Variants in CIT observed in about 807,000 individuals in gnomAD.
CIT encodes the protein citron Rho-interacting kinase.
Under a neutral mutation model 272.7 loss-of-function variants are expected in CIT, and 79 were observed. That is an observed-to-expected ratio of 0.29 (90% CI 0.24 to 0.35). The LOEUF is 0.35. Ranked by LOEUF, CIT falls within the 10% of genes least tolerant of loss-of-function variation. The pLI is 1.00. For synonymous variants in CIT, 948 were observed against 995.6 expected (o/e 0.95, Z 0.90); for missense variants, 1,909 against 2,618.3 (o/e 0.73, Z 5.91).
intron 10 of CIT, among the ~76,000 whole-genome samples, chr12:119,785,971 T>C (rs1297617218): frequency 6.6e-6 from 1 of 152,192 alleles, no homozygotes; most frequent in Non-Finnish European, 1.5e-5. Flanking sequence ...ACATTGGCCA[T>C]AGGAAACTCA....
Position 119,694,563 on chromosome 12 carries a change from G to T in CIT, c.5882+3096C>A, listed in dbSNP as rs1035342050. The stretch of plus-strand genomic sequence containing the variant: ...TCACACCTGTAATCCCAGCACTTTG[G>T]GGGGCCAGGGCAGGCAAATTGCTTG... On this transcript the variant is annotated intron_variant, in intron 46 of 47. Transcript: ENST00000392521. The surrounding 1 kb of genome is among the most constrained non-coding windows in gnomAD (Gnocchi z 4.5). Among the ~76,000 whole-genome samples the T allele has an allele frequency of 2.0e-5, 3 of 152,140 alleles. No individual in the cohort carries two copies. The highest frequency in any genetic ancestry group is 7.2e-5 in the African/African-American group (3 of 41,428).
intron 22 of CIT, among the ~76,000 whole-genome samples, chr12:119,755,522 T>C (rs1960837264): frequency 6.6e-6 from 1 of 152,220 alleles, no homozygotes; most frequent in South Asian, 2.1e-4. Flanking sequence ...GCAACTATTT[T>C]ACATGAGACA....
chr12:119,807,484 A>G (rs928365649), intron 9 of CIT, among the ~76,000 whole-genome samples: 1 of 151,874 alleles, frequency 6.6e-6, no homozygotes, highest in Non-Finnish European at 1.5e-5. Context: ...TTTTGCTTCA[A>G]TAAAGGTATT....
chr12:119,780,321 A>T (rs879775967), intron 13 of CIT, among the ~76,000 whole-genome samples: 20 of 152,224 alleles, frequency 1.3e-4, no homozygotes, highest in Middle Eastern at 3.4e-3. Context: ...AATATTTTTT[A>T]AAAAAATGAA....
intron 16 of CIT, among the ~76,000 whole-genome samples, chr12:119,773,779 T>C (rs1456868660): frequency 6.6e-6 from 1 of 152,170 alleles, no homozygotes; most frequent in Non-Finnish European, 1.5e-5. Context: ...ATTACATCTG[T>C]AAGTAATATT....
intron 10 of CIT, among the ~76,000 whole-genome samples, chr12:119,798,893 AT>A (rs1352232912): frequency 6.6e-6 from 1 of 152,192 alleles, no homozygotes; most frequent in East Asian, 1.9e-4. Context: ...TTGTACCATG[AT>A]ATTCTGCAGC....
Position 119,717,414 on chromosome 12 carries a change from C to CTTTTTTTTTTTTTTT in CIT, c.4168+830_4168+831insAAAAAAAAAAAAAAA, listed in dbSNP as rs765763044. On this transcript the variant is annotated intron_variant, in intron 32 of 47. Coordinates refer to ENST00000392521, the MANE Select transcript of CIT (RefSeq NM_001206999.2). ...ATTTTTTCATATTCTTTTTTCTTTT[C>CTTTTTTTTTTTTTTT]TTTTCTTTTTTTTTTTTTTTTTTTG... Among the ~76,000 whole-genome samples, 119 of 109,424 alleles carry CTTTTTTTTTTTTTTT rather than the reference C, an allele frequency of 1.1e-3. 2 individuals are homozygous for CTTTTTTTTTTTTTTT. Among genetic ancestry groups the CTTTTTTTTTTTTTTT allele is most frequent in the African/African-American group, 2.3e-3 (59 of 25,584 alleles). The allele number at this position is 109,424 out of a possible 152,430, so 71.8% of individuals were successfully genotyped here.
At chr12:119,854,058 G>A (rs73217357) in intron 4 of CIT, among the ~76,000 whole-genome samples, 4,381 of 151,050 alleles carry the variant, frequency 0.029, 103 homozygotes, top group Non-Finnish European at 0.044. Flanking sequence ...CGGAGTGTTC[G>A]CTCTTGTTGC....
chr12:119,688,741 G>A (rs1056751072), intron 47 of CIT, among the ~76,000 whole-genome samples: 4 of 152,210 alleles, frequency 2.6e-5, no homozygotes, highest in Admixed American at 6.5e-5. Flanking sequence ...CTCCTCGATC[G>A]CAAACCTAAA....
intron 5 of CIT, among the ~76,000 whole-genome samples, chr12:119,847,888 A>G (rs528512453): frequency 6.6e-6 from 1 of 152,310 alleles, no homozygotes; most frequent in South Asian, 2.1e-4. Context: ...CCTGGGTGAC[A>G]GAGTGAGACT....
At chr12:119,736,480 T>C (rs1958761193) in intron 24 of CIT, among the ~76,000 whole-genome samples, 1 of 152,226 alleles carries the variant, frequency 6.6e-6, no homozygotes, top group Non-Finnish European at 1.5e-5. Flanking sequence ...AACTTTTCAT[T>C]TTGTTAACTG....
At chr12:119,840,754 T>TGA (rs1267591403) in intron 5 of CIT, among the ~76,000 whole-genome samples, 1 of 152,210 alleles carries the variant, frequency 6.6e-6, no homozygotes. Context: ...TGAGCAGGCC[T>TGA]GGTGAGTTTT....
In CIT at chr12:119,787,775, A is replaced by G. The variant is rs1003144298; in HGVS notation, c.1296-2710T>C. Among the ~76,000 whole-genome samples, 5 of 151,988 alleles carry G rather than the reference A, an allele frequency of 3.3e-5. 1 individual carries two copies. Among genetic ancestry groups the G allele is most frequent in the Admixed American group, 2.6e-4 (4 of 15,274 alleles). On this transcript the variant is annotated intron_variant, in intron 10 of 47. Transcript: ENST00000392521. ...GCAAATAAATTTAAAAAAAAAAGAA[A>G]AATCTGACCCCACCACTGACTAGTT...
At chr12:119,704,748 G>A (rs1029137950) in intron 40 of CIT, among the ~76,000 whole-genome samples, 1 of 152,116 alleles carries the variant, frequency 6.6e-6, no homozygotes, top group African/African-American at 2.4e-5. Context: ...CTTTACCTGG[G>A]ATCCAGAGAA....
At position 119,814,142 on chromosome 12, in the gene CIT, A is replaced by G. The variant is rs1966925285; in HGVS notation, c.1111+8678T>C. 2.6e-5 allele frequency among the ~76,000 whole-genome samples: 4 copies of G among 152,140 alleles called. No individual in the cohort carries two copies. In the South Asian group the frequency reaches 6.2e-4, roughly 24 times the overall value. On this transcript the variant is annotated intron_variant, in intron 9 of 47. Coordinates refer to ENST00000392521, the MANE Select transcript of CIT (RefSeq NM_001206999.2). ...TATTTTTAATATTGCAATTATTTCT[A>G]GAATAAGTTGCCCTCAATTTATCTT...
At chr12:119,740,770 C>T (rs542091856) in intron 24 of CIT, among the ~76,000 whole-genome samples, 1 of 151,938 alleles carries the variant, frequency 6.6e-6, no homozygotes, top group Non-Finnish European at 1.5e-5. Context: ...AAATAAGAAA[C>T]GAAGACAACA....
chr12:119,774,971 TC>T (rs1566024146), intron 16 of CIT, among the ~76,000 whole-genome samples: 1 of 151,362 alleles, frequency 6.6e-6, no homozygotes, highest in East Asian at 2.0e-4. Context: ...AGACCCTGTC[TC>T]AAAAAAGTTA....
intron 3 of CIT, among the ~76,000 whole-genome samples, chr12:119,865,966 T>A (rs1216068740): frequency 6.7e-6 from 1 of 150,346 alleles, no homozygotes; most frequent in African/African-American, 2.5e-5. Context: ...ATAGTGAACA[T>A]ATGCTGATTT....
At chr12:119,758,452 G>C (rs969137947) in intron 21 of CIT, 139 bp downstream of exon 21, 2 of 652,008 alleles carry the variant, frequency 3.1e-6, no homozygotes, top group African/African-American at 1.8e-5. Flanking sequence ...GCAAGATGAC[G>C]TAAGTATCTG....
Sources: allele counts gnomAD v4.1 joint callset (sites outside exome capture counted in the v4.1 genomes callset), GRCh38; gene constraint gnomAD v4.1.1; non-coding constraint Gnocchi (gnomAD v3.1); transcripts MANE v1.5; gene names NCBI Gene and HGNC (gene_info 2026-07-23, HGNC 2026-07-21).